NRG3: variants seen among roughly 807,000 people sequenced by gnomAD.
NRG3 encodes pro-neuregulin-3, membrane-bound isoform.
Under a neutral mutation model 66.9 loss-of-function variants are expected in NRG3, and 31 were observed. That is an observed-to-expected ratio of 0.46 (90% CI 0.35 to 0.63). The LOEUF is 0.63. NRG3 is among the 20% of genes least tolerant of loss of function. The pLI, the probability that NRG3 is intolerant of heterozygous loss-of-function variation, is 0.00. For synonymous variants in NRG3, 393 were observed against 359.4 expected, an observed-to-expected ratio of 1.09 and a Z score of -1.06; for missense variants, 910 against 878.9, an observed-to-expected ratio of 1.04 and a Z score of -0.45.
At chr10:82,841,496 T>A (rs1272309295) in intron 3 of NRG3, among the ~76,000 whole-genome samples, 1 of 152,208 alleles carries the variant, frequency 6.6e-6, no homozygotes, top group Non-Finnish European at 1.5e-5. Flanking sequence ...TTTAGGGAGT[T>A]GGCTTACATG....
chr10:82,894,704 A>G (rs912537493), intron 4 of NRG3, among the ~76,000 whole-genome samples: 3 of 152,168 alleles, frequency 2.0e-5, no homozygotes, highest in Non-Finnish European at 2.9e-5. Flanking sequence ...TGGCACAACT[A>G]TCAGGCTCCA....
intron 3 of NRG3, among the ~76,000 whole-genome samples, chr10:82,854,090 A>G (rs2063692930): frequency 6.6e-6 from 1 of 152,246 alleles, no homozygotes; most frequent in Non-Finnish European, 1.5e-5. Context: ...TGCTATTGGA[A>G]AGGCACTAGA....
At chr10:82,195,045 A>C (rs2074371921) in intron 1 of NRG3, among the ~76,000 whole-genome samples, 2 of 152,072 alleles carry the variant, frequency 1.3e-5, no homozygotes, top group Non-Finnish European at 1.5e-5. Context: ...TATCAATTTG[A>C]GTTAGATTCC....
intron 2 of NRG3, among the ~76,000 whole-genome samples, chr10:82,526,544 C>CGTACAAATAGTAATCAAAA (rs1412428783): frequency 9.2e-5 from 14 of 151,584 alleles, no homozygotes; most frequent in Non-Finnish European, 1.6e-4. Flanking sequence ...AATGAAAATA[C>CGTACAAATAGTAATCAAAA]GTACAAATAG....
intron 4 of NRG3, among the ~76,000 whole-genome samples, chr10:82,892,810 A>G (rs1023700726): frequency 6.6e-6 from 1 of 152,056 alleles, no homozygotes; most frequent in African/African-American, 2.4e-5. Context: ...TTAATATCAC[A>G]TAATATAAAA....
chr10:82,919,346 T>C (rs1367922387), intron 4 of NRG3, among the ~76,000 whole-genome samples: 1 of 152,258 alleles, frequency 6.6e-6, no homozygotes, highest in African/African-American at 2.4e-5. Flanking sequence ...AGCCTACTTC[T>C]AGTCTGGCCT....
intron 3 of NRG3, among the ~76,000 whole-genome samples, chr10:82,739,584 C>T (rs2058321606): frequency 6.6e-6 from 1 of 152,198 alleles, no homozygotes; most frequent in African/African-American, 2.4e-5. Flanking sequence ...CTTCCAACAT[C>T]TTTTCAAAAT....
intron 1 of NRG3, among the ~76,000 whole-genome samples, chr10:82,217,047 G>T (rs1440207165): frequency 6.6e-6 from 1 of 152,090 alleles, no homozygotes; most frequent in African/African-American, 2.4e-5. Context: ...ACAATTCAAA[G>T]AAAGAAGTTA....
intron 2 of NRG3, among the ~76,000 whole-genome samples, chr10:82,694,805 A>T (rs1404125328): frequency 6.6e-6 from 1 of 152,204 alleles, no homozygotes; most frequent in African/African-American, 2.4e-5. Flanking sequence ...ATTCATTTTT[A>T]TAAATTTATT....
chr10:81,960,412 T>A (rs7088324), intron 1 of NRG3, among the ~76,000 whole-genome samples: 10,584 of 152,188 alleles, frequency 0.07, 1,052 homozygotes, highest in African/African-American at 0.22. Flanking sequence ...TGTATCCCAC[T>A]TTATAATTTA....
At chr10:82,187,451 T>A (rs567904626) in intron 1 of NRG3, among the ~76,000 whole-genome samples, 1 of 152,330 alleles carries the variant, frequency 6.6e-6, no homozygotes, top group South Asian at 2.1e-4. Flanking sequence ...ATTTTCAAAA[T>A]TCATAGTTTG....
intron 1 of NRG3, among the ~76,000 whole-genome samples, chr10:81,926,677 C>A (rs1846824897): frequency 6.6e-6 from 1 of 152,004 alleles, no homozygotes. Context: ...ATTAACCCTG[C>A]CTTCCCAAAT....
chr10:82,900,928 C>A (rs1439871601), intron 4 of NRG3, among the ~76,000 whole-genome samples: 1 of 152,088 alleles, frequency 6.6e-6, no homozygotes, highest in Non-Finnish European at 1.5e-5. Context: ...TCCTGCTAAG[C>A]AGTATAACAC....
chr10:82,781,700 G>A (rs2060123532), intron 3 of NRG3, among the ~76,000 whole-genome samples: 1 of 152,040 alleles, frequency 6.6e-6, no homozygotes, highest in Admixed American at 6.6e-5. Context: ...TAAATGTCAT[G>A]GGTTTCATGA....
chr10:82,069,546 C>G (rs60502178), intron 1 of NRG3, among the ~76,000 whole-genome samples: 3 of 151,250 alleles, frequency 2.0e-5, no homozygotes, highest in Non-Finnish European at 4.4e-5. Flanking sequence ...CAAAGTCATA[C>G]GGGGCATGAG....
At chr10:82,231,281 T>A (rs1358836373) in intron 1 of NRG3, among the ~76,000 whole-genome samples, 1 of 151,964 alleles carries the variant, frequency 6.6e-6, no homozygotes, top group Non-Finnish European at 1.5e-5. Context: ...AAGGTTCAAG[T>A]GAGGTTGCAG....
intron 1 of NRG3, chr10:81,878,081 A>G: frequency 6.5e-7 from 1 of 1,534,348 alleles, no homozygotes; most frequent in Non-Finnish European, 8.7e-7. Context: ...GGAGGTCTTT[A>G]AAGAAAAGCC....
intron 1 of NRG3, chr10:82,230,095 A>G (rs543828491): frequency 4.6e-5 from 7 of 152,362 alleles, no homozygotes; most frequent in Admixed American, 3.3e-4. Flanking sequence ...TACTTTTTCC[A>G]GATGTGAAGA....
At chr10:82,088,189 T>C (rs906268298) in intron 1 of NRG3, among the ~76,000 whole-genome samples, 3 of 152,142 alleles carry the variant, frequency 2.0e-5, no homozygotes, top group African/African-American at 7.2e-5. Context: ...TTTACATCTT[T>C]TTCTTTTCTC....
Sources: gnomAD v4.1 joint callset for allele counts (sites outside exome capture counted in the v4.1 genomes callset) on GRCh38, gnomAD v4.1.1 for gene constraint, MANE v1.5 for transcripts, NCBI Gene and HGNC (gene_info 2026-07-23, HGNC 2026-07-21) for gene names.